The following PCDHA5 variants were observed in gnomAD, a reference collection of about 807,000 sequenced individuals.
PCDHA5 encodes protocadherin alpha 5, also known as protocadherin alpha-5.
Under a neutral mutation model 61.6 loss-of-function variants are expected in PCDHA5, and 43 were observed. The observed-to-expected ratio is 0.70, with a 90% CI of 0.55 to 0.90. PCDHA5 has a LOEUF of 0.90. Among genes scored for constraint, PCDHA5 ranks in the 40% least tolerant of loss-of-function variants. The probability of loss-of-function intolerance (pLI) is 0.00; values close to 1 mark genes in which losing one functional copy is unlikely to be tolerated. For missense variants in PCDHA5, 1,298 were observed against 1,222.7 expected (o/e 1.06, Z -0.92); for synonymous variants, 627 against 543.9 (o/e 1.15, Z -2.13).
intron 1 of PCDHA5, among the ~76,000 whole-genome samples, chr5:140,937,332 C>T (rs1003482242): frequency 6.3e-4 from 96 of 152,212 alleles, no homozygotes; most frequent in African/African-American, 2.0e-3. Context: ...CCACCGCGCC[C>T]GGCTTCTTCC....
chr5:140,940,666 A>G (rs1398290925), intron 1 of PCDHA5, among the ~76,000 whole-genome samples: 1 of 152,176 alleles, frequency 6.6e-6, no homozygotes, highest in Non-Finnish European at 1.5e-5. Flanking sequence ...TTAAATCTTC[A>G]TCTGATAATT....
chr5:140,948,240 T>C (rs1554218495), intron 1 of PCDHA5, among the ~76,000 whole-genome samples: 1 of 151,684 alleles, frequency 6.6e-6, no homozygotes, highest in East Asian at 1.9e-4. Flanking sequence ...TGTATTTTAG[T>C]AAATATTTTT....
chr5:140,836,475 G>T, intron 1 of PCDHA5: 1 of 1,613,846 alleles, frequency 6.2e-7, no homozygotes, highest in Non-Finnish European at 8.5e-7. Flanking sequence ...GGATGTCAAC[G>T]TGTACCTGAT....
chr5:140,967,299 G>T, intron 1 of PCDHA5: 3 of 1,612,674 alleles, frequency 1.9e-6, no homozygotes, highest in Non-Finnish European at 2.5e-6. Flanking sequence ...CCCGACGTGG[G>T]CGCCAACTCA....
chr5:140,915,864 T>A (rs1170888594), intron 1 of PCDHA5, among the ~76,000 whole-genome samples: 1 of 152,166 alleles, frequency 6.6e-6, no homozygotes. Flanking sequence ...CAAGTTTGCA[T>A]CCTTCCCTTT....
chr5:140,850,443 C>G, intron 1 of PCDHA5: 1 of 1,597,988 alleles, frequency 6.3e-7, no homozygotes, highest in East Asian at 2.2e-5. Flanking sequence ...CCTACTGGTG[C>G]TGGTGAAAGA....
intron 1 of PCDHA5, chr5:140,875,494 G>A (rs1178647780): frequency 6.2e-7 from 1 of 1,613,020 alleles, no homozygotes; most frequent in Non-Finnish European, 8.5e-7. Context: ...CGGACCAAGA[G>A]GCCCGGGATC....
Position 140,823,487 on chromosome 5 carries a change from G to T in PCDHA5, c.1712G>T (p.Gly571Val). 1.9e-6 allele frequency: 3 copies of T among 1,613,262 alleles called. No individual in the cohort carries two copies. The highest frequency in any genetic ancestry group is 2.5e-6 in the Non-Finnish European group (3 of 1,179,694). ...GCGCTGCTGGTGCCTCGAGTGGGTG[G>T]CACCGGCGGCGCAGTGAGCGAGCTG... Reference protein sequence around the residue: ...APALLVPRVGGTGGAVSELVP... With the variant: ...APALLVPRVGVTGGAVSELVP... Residue 571 changes from glycine (G) to valine (V), a missense_variant, in exon 1 of 4, where the codon GGC (glycine) becomes GTC (valine). By Grantham distance (109) the Gly-to-Val change is moderately radical (BLOSUM62 -3). Coordinates refer to ENST00000529859, the MANE Select transcript of PCDHA5 (RefSeq NM_018908.3).
At chr5:140,928,576 A>G in intron 1 of PCDHA5, 1 of 1,614,160 alleles carries the variant, frequency 6.2e-7, no homozygotes, top group South Asian at 1.1e-5. Flanking sequence ...CTTGCCCAGA[A>G]ATGGTTCTGT....
chr5:140,832,991 T>A (rs1772239778), intron 1 of PCDHA5, among the ~76,000 whole-genome samples: 1 of 152,170 alleles, frequency 6.6e-6, no homozygotes, highest in African/African-American at 2.4e-5. Flanking sequence ...TGAGGAATAG[T>A]CCACTTTGGG....
intron 1 of PCDHA5, among the ~76,000 whole-genome samples, chr5:140,914,826 CA>C: frequency 6.6e-6 from 1 of 151,812 alleles, no homozygotes; most frequent in East Asian, 1.9e-4. Context: ...ACTGCATAAA[CA>C]AAAAACAAAC....
chr5:140,858,041 C>A (rs1446194845), intron 1 of PCDHA5: 1 of 1,596,846 alleles, frequency 6.3e-7, no homozygotes, highest in East Asian at 2.2e-5. Context: ...GGCCACTGTG[C>A]TTGTGTCGCT....
intron 1 of PCDHA5, chr5:140,850,108 G>C (rs2150467680): frequency 6.3e-7 from 1 of 1,596,108 alleles, no homozygotes; most frequent in East Asian, 2.2e-5. Context: ...GTGAGCGCGC[G>C]CGACGCGGGC....
intron 1 of PCDHA5, chr5:140,969,253 C>G (rs200334724): frequency 7.4e-6 from 12 of 1,614,084 alleles, no homozygotes; most frequent in Non-Finnish European, 8.5e-7. Context: ...TGACTGACAG[C>G]AGGAATCTCA....
intron 1 of PCDHA5, among the ~76,000 whole-genome samples, chr5:140,911,032 A>G (rs2075293448): frequency 6.6e-6 from 1 of 152,092 alleles, no homozygotes; most frequent in African/African-American, 2.4e-5. Flanking sequence ...TTATAGGTCT[A>G]GAAGCAAACA....
chr5:140,822,436 C>T lies in PCDHA5; in HGVS notation c.661C>T (p.Leu221=), dbSNP rs2150116376. Reference sequence around the variant, plus strand: ...TGCAACTGATGGAGGAAAACCCGAACTAACAGGTACAGTTCAGTTGTTGAT... The same window carrying T: ...TGCAACTGATGGAGGAAAACCCGAATTAACAGGTACAGTTCAGTTGTTGAT... ...VIATDGGKPE[L]TGTVQLLINV... The change falls in exon 1 of 4, where the codon CTA becomes TTA. Residue 221 remains leucine (L), a synonymous_variant. Transcript: ENST00000529859. The T allele has an allele frequency of 1.2e-5, 20 of 1,613,756 alleles. No homozygotes were observed. Among genetic ancestry groups the T allele is most frequent in the Non-Finnish European group, 1.6e-5 (19 of 1,179,920 alleles).
Position 140,824,052 on chromosome 5 carries a change from T to C in PCDHA5, c.2277T>C (p.Ser759=). 6.2e-7 allele frequency: 1 copy of C among 1,614,200 alleles called. No individual in the cohort carries two copies. Among genetic ancestry groups the C allele is most frequent in the Non-Finnish European group, 8.5e-7 (1 of 1,180,030 alleles). The change falls in exon 1 of 4, where the codon TCT becomes TCC. Residue 759 remains serine (S), a synonymous_variant. Transcript: ENST00000529859. The part of the protein sequence containing the change: ...YSQQRRQRVC[S]GEAPPKTDLM... ...AGCAGAGGAGACAGAGGGTGTGCTC[T>C]GGGGAAGCTCCACCCAAAACAGACC... is the stretch of plus-strand genomic sequence containing the variant.
At chr5:140,964,183 C>A (rs1422782402) in intron 1 of PCDHA5, among the ~76,000 whole-genome samples, 2 of 152,164 alleles carry the variant, frequency 1.3e-5, no homozygotes, top group Non-Finnish European at 2.9e-5. Context: ...CATTATAGTG[C>A]CAAATAGAGT....
At chr5:140,849,605 C>G (rs1469942879) in intron 1 of PCDHA5, 1 of 1,598,466 alleles carries the variant, frequency 6.3e-7, no homozygotes, top group Non-Finnish European at 8.6e-7. Flanking sequence ...CAGTTATTGC[C>G]CTGATTAGTG....
Sources: gnomAD v4.1 joint callset for allele counts (sites outside exome capture counted in the v4.1 genomes callset) on GRCh38, gnomAD v4.1.1 for gene constraint, MANE v1.5 for transcripts, NCBI Gene and HGNC (gene_info 2026-07-23, HGNC 2026-07-21) for gene names.